The following ENOX1 variants were observed in gnomAD, a reference collection of about 807,000 sequenced individuals.
The protein encoded by ENOX1 is candidate growth-related and time keeping constitutive hydroquinone (NADH) oxidase.
In ENOX1, 42 loss-of-function variants were observed where a neutral mutation model predicts 82.5. The ratio of observed to expected loss-of-function variants is 0.51; its 90% confidence interval spans 0.40 to 0.66. The LOEUF is 0.66. ENOX1 is among the 30% of genes least tolerant of loss of function. ENOX1 has a pLI of 0.00. For missense variants in ENOX1, 608 were observed against 811.6 expected, an observed-to-expected ratio of 0.75 and a Z score of 3.05; for synonymous variants, 271 against 282.2, an observed-to-expected ratio of 0.96 and a Z score of 0.40.
Position 43,236,811 on chromosome 13 carries a change from T to C in ENOX1, c.1612-73A>G, listed in dbSNP as rs551935838. 1.1e-4 allele frequency: 75 copies of C among 699,706 alleles called. No individual in the cohort carries two copies. In the African/African-American group the frequency reaches 1.3e-3, roughly 13 times the overall value. 43.3% of individuals were successfully genotyped at this position (699,706 alleles called of 1,614,324 possible). On this transcript the variant is annotated intron_variant, in intron 14 of 16. Coordinates refer to ENST00000690772, the MANE Select transcript of ENOX1 (RefSeq NM_001347969.2). ...GTGCATGTCAATAAAAAACACCAGA[T>C]CTCTTAAACTCTATAAATAAGGTCA...
chr13:43,445,285 G>C (rs372755428), intron 3 of ENOX1, among the ~76,000 whole-genome samples: 4 of 151,834 alleles, frequency 2.6e-5, no homozygotes, highest in African/African-American at 4.8e-5. Context: ...CACCACGCCT[G>C]GCTAATTTTT....
intron 1 of ENOX1, among the ~76,000 whole-genome samples, chr13:43,673,390 AACAAAGCTCTTCCTGACAGGGACTGGGTG>A (rs2085359783): frequency 6.6e-6 from 1 of 152,154 alleles, no homozygotes; most frequent in African/African-American, 2.4e-5. Context: ...CCCTCCACTA[AACAAAGCTCTTCCTGACAGGGACTGGGTG>A]AATGCCTCTA....
chr13:43,598,078 G>C (rs1239105404), intron 2 of ENOX1, among the ~76,000 whole-genome samples: 1 of 152,094 alleles, frequency 6.6e-6, no homozygotes, highest in Non-Finnish European at 1.5e-5. Flanking sequence ...TTCACTGGCT[G>C]CCTCTTGTGT....
At chr13:43,453,169 T>C (rs2057055973) in intron 3 of ENOX1, among the ~76,000 whole-genome samples, 1 of 152,320 alleles carries the variant, frequency 6.6e-6, no homozygotes, top group Non-Finnish European at 1.5e-5. Context: ...CCCAGGGTCA[T>C]GTCTAGGTGA....
intron 2 of ENOX1, among the ~76,000 whole-genome samples, chr13:43,539,929 T>A (rs975401802): frequency 3.3e-5 from 5 of 152,190 alleles, no homozygotes; most frequent in East Asian, 3.8e-4. Context: ...AATTTTTTTT[T>A]ATTTAAGGTC....
At chr13:43,371,441 T>C (rs1347990599) in intron 5 of ENOX1, among the ~76,000 whole-genome samples, 2 of 152,216 alleles carry the variant, frequency 1.3e-5, no homozygotes, top group Non-Finnish European at 2.9e-5. Context: ...GGTAATAGCC[T>C]GGTGACACCA....
chr13:43,237,968 C>T (rs2042631426), intron 14 of ENOX1, among the ~76,000 whole-genome samples: 1 of 152,186 alleles, frequency 6.6e-6, no homozygotes, highest in South Asian at 2.1e-4. Context: ...TTTAGAGGCT[C>T]CACTTAAGGT....
chr13:43,443,882 C>A (rs1240785172), intron 3 of ENOX1, among the ~76,000 whole-genome samples: 2 of 152,294 alleles, frequency 1.3e-5, no homozygotes, highest in African/African-American at 4.8e-5. Flanking sequence ...AAGCGTTTTA[C>A]TTCAAAAAGG....
chr13:43,314,152 T>G (rs2047355989), intron 11 of ENOX1, among the ~76,000 whole-genome samples: 1 of 152,208 alleles, frequency 6.6e-6, no homozygotes, highest in African/African-American at 2.4e-5. Flanking sequence ...CATTGTGTCC[T>G]GGAACTGGGG....
intron 2 of ENOX1, among the ~76,000 whole-genome samples, chr13:43,653,255 A>G (rs556435160): frequency 6.6e-6 from 1 of 152,350 alleles, no homozygotes; most frequent in African/African-American, 2.4e-5. Flanking sequence ...ATGGAAACAA[A>G]CATCTGCAAC....
At position 43,672,744 on chromosome 13, in the gene ENOX1, A is replaced by G. The variant is rs189958190; in HGVS notation, c.-284-5200T>C. Among the ~76,000 whole-genome samples, 458 of 152,292 alleles carry G rather than the reference A, an allele frequency of 3.0e-3. 2 individuals are homozygous for G. Among genetic ancestry groups the G allele is most frequent in the Non-Finnish European group, 4.8e-3 (328 of 68,014 alleles). On this transcript the variant is annotated intron_variant, in intron 1 of 16. Coordinates refer to ENST00000690772, the MANE Select transcript of ENOX1 (RefSeq NM_001347969.2). The stretch of plus-strand genomic sequence containing the variant: ...AAAATGTTCTAACCTTTTCCTCTTA[A>G]GTTTCACTTTGAGATCTCCAATATA...
At chr13:43,752,085 T>C (rs148962805) in intron 1 of ENOX1, among the ~76,000 whole-genome samples, 21 of 152,312 alleles carry the variant, frequency 1.4e-4, no homozygotes, top group Admixed American at 1.0e-3. Context: ...ACTATGTCTA[T>C]TGTTGTATTA....
chr13:43,746,780 G>A (rs1052644591), intron 1 of ENOX1, among the ~76,000 whole-genome samples: 1 of 152,086 alleles, frequency 6.6e-6, no homozygotes, highest in African/African-American at 2.4e-5. Flanking sequence ...AATTTATGAG[G>A]GGACTCATAA....
intron 2 of ENOX1, among the ~76,000 whole-genome samples, chr13:43,634,440 G>A (rs947574810): frequency 4.6e-5 from 7 of 152,106 alleles, no homozygotes; most frequent in Admixed American, 1.3e-4. Flanking sequence ...TCTCCAGCAC[G>A]ACCTACTAAA....
In ENOX1 at chr13:43,356,091, G is replaced by T; in HGVS notation, c.651C>A (p.Asp217Glu). ...AGAAGTCATCCCTGGCCTGGGCAAAGTCCACATGAAGGCGGCCTGAATCCT... is the reference window on the plus strand; with the variant it reads ...AGAAGTCATCCCTGGCCTGGGCAAATTCCACATGAAGGCGGCCTGAATCCT... ...DKKDSGRLHVDFAQARDDFYE... is the reference protein window; with the variant it reads ...DKKDSGRLHVEFAQARDDFYE... The change falls in exon 8 of 17, where the codon GAC (aspartate) becomes GAA (glutamate). Residue 217 changes from aspartate to glutamate, a missense_variant. Transcript: ENST00000690772. The T allele has an allele frequency of 6.2e-7, 1 of 1,614,184 alleles. No individual in the cohort carries two copies.
chr13:43,301,492 C>A (rs1404652003), intron 11 of ENOX1, among the ~76,000 whole-genome samples: 1 of 150,982 alleles, frequency 6.6e-6, no homozygotes, highest in Non-Finnish European at 1.5e-5. Context: ...ACAGTGCCTG[C>A]CAAGCAGTAT....
intron 12 of ENOX1, 22 bp from the exon 13 acceptor site, chr13:43,269,599 A>C (rs112443848): frequency 6.3e-7 from 1 of 1,577,380 alleles, no homozygotes; most frequent in Admixed American, 1.7e-5. Context: ...AAGGATATTT[A>C]GCATAAGTAG....
chr13:43,591,451 T>C (rs546455431), intron 2 of ENOX1, among the ~76,000 whole-genome samples: 16 of 152,136 alleles, frequency 1.1e-4, no homozygotes, highest in African/African-American at 3.6e-4. Context: ...AGATCACACA[T>C]GTAGAATACA....
intron 1 of ENOX1, among the ~76,000 whole-genome samples, chr13:43,737,144 A>C (rs2153824859): frequency 6.6e-6 from 1 of 152,294 alleles, no homozygotes; most frequent in East Asian, 1.9e-4. Context: ...ATCAAGTATA[A>C]CCTCTAAAAA....
Sources: allele counts gnomAD v4.1 joint callset (sites outside exome capture counted in the v4.1 genomes callset), GRCh38; gene constraint gnomAD v4.1.1; transcripts MANE v1.5; gene names NCBI Gene and HGNC (gene_info 2026-07-23, HGNC 2026-07-21).